The following CUBN variants were observed in gnomAD, a reference collection of about 807,000 sequenced individuals.
CUBN encodes 460 kDa receptor.
In CUBN, 282 loss-of-function variants were observed where a neutral mutation model predicts 405.3. The observed-to-expected ratio is 0.70, with a 90% confidence interval of 0.63 to 0.77. The LOEUF (loss-of-function observed/expected upper bound fraction) is 0.77. Ranked by LOEUF, CUBN falls within the 30% of genes least tolerant of loss-of-function variation. CUBN has a pLI of 0.00. For synonymous variants in CUBN, 1,684 were observed against 1,617.0 expected, an observed-to-expected ratio of 1.04 and a Z score of -0.99; for missense variants, 4,514 against 4,475.2, an observed-to-expected ratio of 1.01 and a Z score of -0.25.
intron 59 of CUBN, among the ~76,000 whole-genome samples, chr10:16,862,804 C>T (rs773540494): frequency 5.9e-5 from 9 of 152,154 alleles, no homozygotes; most frequent in Admixed American, 1.3e-4. Context: ...AAAACTAGGT[C>T]GCGTCTTGTG....
chr10:16,988,712 G>A (rs1038130680), intron 29 of CUBN, among the ~76,000 whole-genome samples: 1 of 152,084 alleles, frequency 6.6e-6, no homozygotes, highest in African/African-American at 2.4e-5. Flanking sequence ...AAAGTTTCCT[G>A]TAACGTCCAT....
chr10:16,883,658 T>C (rs1840726085), intron 56 of CUBN, among the ~76,000 whole-genome samples: 1 of 152,222 alleles, frequency 6.6e-6, no homozygotes, highest in Non-Finnish European at 1.5e-5. Flanking sequence ...TTCTATTAGA[T>C]ATAACCCATA....
At chr10:17,036,708 T>C (rs1246909247) in intron 27 of CUBN, among the ~76,000 whole-genome samples, 1 of 152,170 alleles carries the variant, frequency 6.6e-6, no homozygotes, top group Non-Finnish European at 1.5e-5. Context: ...AATTCTAAAT[T>C]AGACACTAAA....
rs1002309704 is a variant in CUBN, at chr10:17,129,803, C to T, written c.-38G>A. On this transcript the variant is annotated 5_prime_UTR_variant, in exon 1 of 67. Transcript: ENST00000377833. The stretch of plus-strand genomic sequence containing the variant: ...TTGGCAGGTAAGAGTGAGGCCACTC[C>T]AACCAACTGAGCATGGGATTTTGGA... 6.2e-7 allele frequency: 1 copy of T among 1,611,046 alleles called. No homozygotes were observed. Among genetic ancestry groups the T allele is most frequent in the Non-Finnish European group, 8.5e-7 (1 of 1,177,478 alleles).
chr10:17,060,869 G>A (rs1476390632), intron 22 of CUBN, among the ~76,000 whole-genome samples: 1 of 151,932 alleles, frequency 6.6e-6, no homozygotes, highest in African/African-American at 2.4e-5. Context: ...TGACCAACAC[G>A]GTGAAACCCT....
chr10:16,919,399 C>A (rs554379681), intron 44 of CUBN, among the ~76,000 whole-genome samples: 1 of 152,204 alleles, frequency 6.6e-6, no homozygotes, highest in Non-Finnish European at 1.5e-5. Context: ...TGTATACATA[C>A]TTTTGTTCAA....
At chr10:16,854,761 TAC>T (rs1197430261) in intron 59 of CUBN, among the ~76,000 whole-genome samples, 2 of 152,224 alleles carry the variant, frequency 1.3e-5, no homozygotes, top group Non-Finnish European at 2.9e-5. Flanking sequence ...TGAATGCCAT[TAC>T]ACACACTTAT....
chr10:17,025,038 A>G (rs1834620102), intron 27 of CUBN, among the ~76,000 whole-genome samples: 1 of 152,184 alleles, frequency 6.6e-6, no homozygotes, highest in Non-Finnish European at 1.5e-5. Context: ...AACATGGAGA[A>G]ACTTCTGGAG....
intron 33 of CUBN, among the ~76,000 whole-genome samples, chr10:16,950,408 C>T (rs988468902): frequency 9.9e-5 from 15 of 152,108 alleles, no homozygotes; most frequent in Non-Finnish European, 2.1e-4. Context: ...ATCAAAACAT[C>T]TCATGTACCC....
At chr10:16,826,292 A>ATTT (rs1838778563) in intron 66 of CUBN, among the ~76,000 whole-genome samples, 1 of 146,894 alleles carries the variant, frequency 6.8e-6, no homozygotes, top group Non-Finnish European at 1.5e-5. Flanking sequence ...CAAGTTTAAC[A>ATTT]AACATATTTA....
intron 30 of CUBN, among the ~76,000 whole-genome samples, chr10:16,983,169 T>C (rs1169133000): frequency 5.3e-4 from 80 of 152,218 alleles, no homozygotes; most frequent in Non-Finnish European, 7.3e-5. Flanking sequence ...GACCCACCAT[T>C]TCTTGGATTT....
chr10:16,908,906 C>T (rs1172144540), intron 48 of CUBN, among the ~76,000 whole-genome samples: 5 of 130,256 alleles, frequency 3.8e-5, no homozygotes, highest in East Asian at 2.3e-4. Context: ...GACGGAGTCT[C>T]GCTCTGTCGC....
chr10:16,831,675 G>C (rs552122096), intron 64 of CUBN, among the ~76,000 whole-genome samples: 100 of 152,218 alleles, frequency 6.6e-4, no homozygotes, highest in Non-Finnish European at 1.0e-3. Flanking sequence ...AAAACACCAG[G>C]CAGCTTTTTT....
intron 22 of CUBN, among the ~76,000 whole-genome samples, chr10:17,054,073 C>T (rs185520520): frequency 0.012 from 1,842 of 152,122 alleles, 32 homozygotes; most frequent in Non-Finnish European, 0.019. Flanking sequence ...TGGCTCACTC[C>T]TGTAATCCTA....
At chr10:16,995,138 G>A (rs1833696684) in intron 28 of CUBN, among the ~76,000 whole-genome samples, 1 of 152,230 alleles carries the variant, frequency 6.6e-6, no homozygotes, top group South Asian at 2.1e-4. Flanking sequence ...ACAGTGACAT[G>A]AGGAATAAAG....
chr10:16,856,963 C>T (rs184171931), intron 59 of CUBN, among the ~76,000 whole-genome samples: 3,355 of 152,190 alleles, frequency 0.022, 134 homozygotes, highest in African/African-American at 0.075. Flanking sequence ...ATGCATTATC[C>T]TTTTTTGGAA....
At position 17,122,862 on chromosome 10, in the gene CUBN, T is replaced by G. The variant is rs777840578; in HGVS notation, c.526A>C (p.Ile176Leu). 1 of 1,613,080 alleles carries G rather than the reference T, an allele frequency of 6.2e-7. No individual in the cohort carries two copies. Among genetic ancestry groups the G allele is most frequent in the Non-Finnish European group, 8.5e-7 (1 of 1,179,700 alleles). Residue 176 changes from isoleucine (I) to leucine (L), a missense_variant, in exon 6 of 67, where the codon ATT becomes CTT. Coordinates refer to ENST00000377833, the MANE Select transcript of CUBN (RefSeq NM_001081.4). ...CAGCTCAAGGGTGTTCCTGAGTAAATCTCACATTCGTTAACATCAGCTGAG... is the reference window on the plus strand; with the variant it reads ...CAGCTCAAGGGTGTTCCTGAGTAAAGCTCACATTCGTTAACATCAGCTGAG... The part of the protein sequence containing the change: ...LCSADVNECE[I>L]YSGTPLSCQN...
At chr10:16,834,509 G>C (rs994160951) in intron 64 of CUBN, among the ~76,000 whole-genome samples, 1 of 152,188 alleles carries the variant, frequency 6.6e-6, no homozygotes. Context: ...CCTGAGACCA[G>C]GGAGCATTTA....
intron 54 of CUBN, among the ~76,000 whole-genome samples, chr10:16,895,832 C>T (rs185833598): frequency 2.6e-5 from 4 of 152,170 alleles, no homozygotes; most frequent in Middle Eastern, 6.8e-3. Context: ...GGCTTGATAA[C>T]CTGTATTGTG....
Sources: gnomAD v4.1 joint callset for allele counts (sites outside exome capture counted in the v4.1 genomes callset) on GRCh38, gnomAD v4.1.1 for gene constraint, MANE v1.5 for transcripts, NCBI Gene and HGNC (gene_info 2026-07-23, HGNC 2026-07-21) for gene names.